The following TRMT9B variants were observed in gnomAD, a reference collection of about 807,000 sequenced individuals.
TRMT9B encodes tRNA methyltransferase 9B (putative), also known as probable tRNA methyltransferase 9B.
In TRMT9B, 16 loss-of-function variants were observed where a neutral mutation model predicts 11.5. The observed-to-expected ratio is 1.39, with a 90% CI of 0.94 to 2.11. The LOEUF is 2.11. Ranked by LOEUF, TRMT9B falls within the 30% of genes most tolerant of loss-of-function variation. The pLI is 0.00. For missense variants in TRMT9B, 941 were observed against 553.8 expected (o/e 1.70, Z -7.02); for synonymous variants, 274 against 192.4 (o/e 1.42, Z -3.51).
In TRMT9B at chr8:12,951,079, A is replaced by G. The variant is rs1253129924; in HGVS notation, c.-200+5113A>G. Among the ~76,000 whole-genome samples, 4 of 152,162 alleles carry G rather than the reference A, an allele frequency of 2.6e-5. No individual in the cohort carries two copies. The South Asian group carries it at 6.2e-4, about 24-fold the overall frequency. On this transcript the variant is annotated intron_variant, in intron 1 of 4. Transcript: ENST00000524591. ...GACCTGGAAGAAAGTAGTTAACGCTATTGTCATAGAAGCAATGGGGGGAGG... is the reference window on the plus strand; with the variant it reads ...GACCTGGAAGAAAGTAGTTAACGCTGTTGTCATAGAAGCAATGGGGGGAGG...
intron 3 of TRMT9B, 141 bp from the exon 4 acceptor site, chr8:13,012,543 C>G (rs1206362166): frequency 7.9e-6 from 9 of 1,139,770 alleles, no homozygotes; most frequent in Non-Finnish European, 9.4e-6. Flanking sequence ...CCACTGCACT[C>G]CAGCCTGGGT....
chr8:13,018,849 A>T (rs1036490337), intron 4 of TRMT9B, among the ~76,000 whole-genome samples: 1 of 152,232 alleles, frequency 6.6e-6, no homozygotes, highest in South Asian at 2.1e-4. Flanking sequence ...GAAACACTAA[A>T]TAATACCTCA....
chr8:12,951,671 C>T (rs1800634367), intron 1 of TRMT9B: 2 of 152,002 alleles, frequency 1.3e-5, no homozygotes, highest in East Asian at 2.0e-4. Flanking sequence ...CAGCTGAGCC[C>T]GAGCGCCGCC....
rs1814593720 is a variant in TRMT9B, at chr8:13,025,543, C to G, written c.*3499C>G. 1 of 166,970 alleles carries G rather than the reference C, an allele frequency of 6.0e-6. No homozygotes were observed. The highest frequency in any genetic ancestry group is 2.4e-5 in the African/African-American group (1 of 41,444). The allele number at this position is 166,970 out of a possible 1,614,324, so 10.3% of individuals were successfully genotyped here. On this transcript the variant is annotated 3_prime_UTR_variant, in exon 5 of 5. Transcript: ENST00000524591. ...CAACAAAACAAAACTTTGCTGGCTT[C>G]CTGATGCCTCACTGTCTATTTGAGG...
chr8:12,982,769 T>G lies in TRMT9B; in HGVS notation c.-199-8065T>G, dbSNP rs182799580. Reference sequence around the variant, plus strand: ...CTGAAATGCTCAAAAATTTGAAACTTTTTGAGTGACCACATGATGCCACAA... The same window carrying G: ...CTGAAATGCTCAAAAATTTGAAACTGTTTGAGTGACCACATGATGCCACAA... On this transcript the variant is annotated intron_variant, in intron 1 of 4. Coordinates refer to ENST00000524591, the MANE Select transcript of TRMT9B (RefSeq NM_020844.3). 6.6e-3 allele frequency among the ~76,000 whole-genome samples: 1,007 copies of G among 152,288 alleles called. 12 individuals carry two copies. Among genetic ancestry groups the G allele is most frequent in the Admixed American group, 0.021 (327 of 15,302 alleles).
rs558205964 is a variant in TRMT9B, at chr8:12,975,793, G to C, written c.-199-15041G>C. ...ATAAATTGATGCTTCTAGCTATTTG[G>C]GGGCATTCATTCCTTCAATTGATGA... On this transcript the variant is annotated intron_variant, in intron 1 of 4. Coordinates refer to ENST00000524591, the MANE Select transcript of TRMT9B (RefSeq NM_020844.3). 1.4e-4 allele frequency among the ~76,000 whole-genome samples: 22 copies of C among 152,114 alleles called. No individual in the cohort carries two copies. The South Asian group carries it at 4.6e-3, about 32-fold the overall frequency.
At chr8:13,009,860 A>G (rs934862431) in intron 3 of TRMT9B, among the ~76,000 whole-genome samples, 2 of 152,158 alleles carry the variant, frequency 1.3e-5, no homozygotes, top group Admixed American at 1.3e-4. Context: ...CAGGCGCGGT[A>G]TCTCACACGT....
chr8:12,994,416 G>C (rs1280720688), intron 2 of TRMT9B, among the ~76,000 whole-genome samples: 4 of 152,220 alleles, frequency 2.6e-5, no homozygotes, highest in Non-Finnish European at 5.9e-5. Context: ...CTTCATGCCT[G>C]CATGCCTCTA....
intron 2 of TRMT9B, among the ~76,000 whole-genome samples, chr8:12,997,166 T>G (rs1222286685): frequency 1.3e-5 from 2 of 152,076 alleles, no homozygotes; most frequent in African/African-American, 4.8e-5. Context: ...TGTTAAAATG[T>G]GACCCCCAAT....
At chr8:13,008,797 C>G (rs183213321) in intron 3 of TRMT9B, among the ~76,000 whole-genome samples, 6 of 152,280 alleles carry the variant, frequency 3.9e-5, no homozygotes, top group East Asian at 3.9e-4. Flanking sequence ...GGCGCCATCT[C>G]GGCTCACTGC....
At chr8:13,012,659 T>A (rs1269718990) in intron 3 of TRMT9B, 25 bp from the exon 4 acceptor site, 2 of 1,594,776 alleles carry the variant, frequency 1.3e-6, no homozygotes, top group Non-Finnish European at 8.6e-7. Context: ...GAGGATAGCA[T>A]GTAACGCAGG....
At chr8:12,967,838 G>T (rs1304332057) in intron 1 of TRMT9B, among the ~76,000 whole-genome samples, 1 of 152,180 alleles carries the variant, frequency 6.6e-6, no homozygotes, top group Non-Finnish European at 1.5e-5. Context: ...CATGTCTTTG[G>T]ACAGGCTGAA....
chr8:13,028,413 T>C lies in TRMT9B; in HGVS notation c.*6369T>C, dbSNP rs570029758. On this transcript the variant is annotated 3_prime_UTR_variant, in exon 5 of 5. Coordinates refer to ENST00000524591, the MANE Select transcript of TRMT9B (RefSeq NM_020844.3). The stretch of plus-strand genomic sequence containing the variant: ...AAATACATTTTCTCCACATGGAATA[T>C]TGATTTTTCTATGAATATTACCTCC... 5.4e-5 allele frequency: 9 copies of C among 167,098 alleles called. No individual in the cohort carries two copies. In the Admixed American group the frequency reaches 5.9e-4, roughly 11 times the overall value. 10.4% of individuals were successfully genotyped at this position (167,098 alleles called of 1,614,324 possible).
At chr8:12,986,468 C>T (rs984383039) in intron 1 of TRMT9B, among the ~76,000 whole-genome samples, 1 of 152,182 alleles carries the variant, frequency 6.6e-6, no homozygotes, top group African/African-American at 2.4e-5. Context: ...ACAGCTCATA[C>T]TGTAATATAA....
intron 1 of TRMT9B, among the ~76,000 whole-genome samples, chr8:12,970,522 G>A (rs1246923443): frequency 1.3e-5 from 2 of 152,296 alleles, no homozygotes; most frequent in Non-Finnish European, 1.5e-5. Flanking sequence ...TAGAGCAGAC[G>A]CCTTCTGGGC....
chr8:13,017,367 G>C (rs1285555677), intron 4 of TRMT9B, among the ~76,000 whole-genome samples: 2 of 151,954 alleles, frequency 1.3e-5, no homozygotes, highest in African/African-American at 4.8e-5. Context: ...CTACTGTCTG[G>C]GCTCTCAGCA....
In TRMT9B at chr8:13,022,139, T is replaced by C; in HGVS notation, c.*95T>C. 3.3e-6 allele frequency: 3 copies of C among 901,156 alleles called. No individual in the cohort carries two copies. The highest frequency in any genetic ancestry group is 1.7e-6 in the Non-Finnish European group (1 of 598,906). 55.8% of individuals were successfully genotyped at this position (901,156 alleles called of 1,614,324 possible). A position where few individuals can be genotyped will look rare whatever the true frequency, so the allele number is the denominator to read the frequency against. On this transcript the variant is annotated 3_prime_UTR_variant, in exon 5 of 5. Coordinates refer to ENST00000524591, the MANE Select transcript of TRMT9B (RefSeq NM_020844.3). ...TGAATTTGCATTCAGTGTTATTTGT[T>C]AATCCATTTACGCTTTGGTCTGCAG...
At chr8:12,947,909 C>G (rs1030213136) in intron 1 of TRMT9B, among the ~76,000 whole-genome samples, 6 of 152,160 alleles carry the variant, frequency 3.9e-5, no homozygotes, top group African/African-American at 1.4e-4. Flanking sequence ...TGCTCAGAAA[C>G]AGGCAGTGAG....
chr8:13,014,988 G>A (rs1377534608), intron 4 of TRMT9B, among the ~76,000 whole-genome samples: 1 of 151,784 alleles, frequency 6.6e-6, no homozygotes, highest in Non-Finnish European at 1.5e-5. Flanking sequence ...GAACCCAGAA[G>A]GAAGAGGTTG....
Sources: allele counts gnomAD v4.1 joint callset (sites outside exome capture counted in the v4.1 genomes callset), GRCh38; gene constraint gnomAD v4.1.1; transcripts MANE v1.5; gene names NCBI Gene and HGNC (gene_info 2026-07-23, HGNC 2026-07-21).